Variants in DDX52 observed in about 807,000 individuals in gnomAD.
The protein encoded by DDX52 is probable ATP-dependent RNA helicase DDX52.
A neutral mutation model predicts 76.1 loss-of-function variants in DDX52; 59 were observed. The ratio of observed to expected loss-of-function variants is 0.78; its 90% CI spans 0.63 to 0.96. The LOEUF is 0.96. Among genes scored for constraint, DDX52 ranks in the 40% least tolerant of loss-of-function variants. The pLI, the probability that DDX52 is intolerant of heterozygous loss-of-function variation, is 0.00. For synonymous variants in DDX52, 231 were observed against 244.1 expected (o/e 0.95, Z 0.50); for missense variants, 707 against 703.9 (o/e 1.00, Z -0.05).
intron 7 of DDX52, 56 bp from the exon 8 acceptor site, chr17:37,626,154 A>T: frequency 6.3e-7 from 1 of 1,588,384 alleles, no homozygotes; most frequent in Non-Finnish European, 8.6e-7. Flanking sequence ...AAGACACTTC[A>T]CTAAACTGTG....
At chr17:37,620,540 T>C in intron 12 of DDX52, 1 of 210,734 alleles carries the variant, frequency 4.7e-6, no homozygotes, top group South Asian at 1.1e-4. Flanking sequence ...GAAGTGTTAA[T>C]CATCATCAAC....
rs2064333246 is a variant in DDX52 at position 37,610,896 on chromosome 17, T to C, written c.*3400A>G. ...TCCTTGTGTGAAGCTGAAATTTATG[T>C]AGCACATAGTTCCAACTGCTTTGAA... On this transcript the variant is annotated 3_prime_UTR_variant, in exon 15 of 15. Transcript: ENST00000617633. The C allele has an allele frequency of 6.6e-6, 1 of 152,272 alleles. No individual in the cohort carries two copies. The highest frequency in any genetic ancestry group is 2.4e-5 in the African/African-American group (1 of 41,482). The allele number at this position is 152,272 out of a possible 1,614,324, so 9.4% of individuals were successfully genotyped here.
Position 37,626,804 on chromosome 17 carries a change from C to T in DDX52, c.916G>A (p.Gly306Arg), listed in dbSNP as rs376988481. The change falls in exon 7 of 15, where the codon GGA becomes AGA. Residue 306 changes from glycine to arginine, a missense_variant. Physicochemically the swap from Gly to Arg is moderately radical, Grantham distance 125. Coordinates refer to ENST00000617633, the MANE Select transcript of DDX52 (RefSeq NM_007010.5). ...LIYLLKQDPPGIDLASVEWLV... is the reference protein window; with the variant it reads ...LIYLLKQDPPRIDLASVEWLV... ...CATCTATACCTTGCTAGGTCGATTC[C>T]GGGGGGATCTTGCTTTAATAAATAG... 23 of 1,611,112 alleles carry T rather than the reference C, an allele frequency of 1.4e-5. No individual in the cohort carries two copies. Among genetic ancestry groups the T allele is most frequent in the Admixed American group, 3.4e-5 (2 of 59,398 alleles).
rs2030707228 is a variant in DDX52 at position 37,632,096 on chromosome 17, T to C, written c.603+17A>G. The C allele has an allele frequency of 6.2e-7, 1 of 1,612,612 alleles. No homozygotes were observed. The highest frequency in any genetic ancestry group is 2.2e-5 in the East Asian group (1 of 44,862). ...AGAGGAAGGAATGTTACAGGCATTC[T>C]AGATCTTCATACTCACATGCAGCAT... On this transcript the variant is annotated intron_variant, in intron 4 of 14. Transcript: ENST00000617633.
Position 37,624,351 on chromosome 17 carries a change from A to G in DDX52, c.1220T>C (p.Val407Ala). Residue 407 changes from valine (V) to alanine (A), a missense_variant, in exon 9 of 15, where the codon GTT (valine) becomes GCT (alanine). Transcript: ENST00000617633. ...AAGGTAATACAAATATACCTTTTTAACAAGTTCTCTCACGGCCAGAAGTTT... is the reference window on the plus strand; with the variant it reads ...AAGGTAATACAAATATACCTTTTTAGCAAGTTCTCTCACGGCCAGAAGTTT... ...TGKLLAVRELVKKGFNPPVLV... is the reference protein window; with the variant it reads ...TGKLLAVRELAKKGFNPPVLV... 1 of 1,607,478 alleles carries G rather than the reference A, an allele frequency of 6.2e-7. No homozygotes were observed.
At chr17:37,618,186 A>C in intron 14 of DDX52, 106 bp downstream of exon 14, 1 of 778,942 alleles carries the variant, frequency 1.3e-6, no homozygotes, top group East Asian at 2.9e-5. Context: ...GTTTTATAAC[A>C]GACTGTAGTA....
chr17:37,627,567 A>T (rs2030448833), intron 6 of DDX52, among the ~76,000 whole-genome samples: 1 of 152,064 alleles, frequency 6.6e-6, no homozygotes, highest in South Asian at 2.1e-4. Context: ...TCTAAGAGGA[A>T]AGAACAATTT....
At chr17:37,630,293 C>G in intron 4 of DDX52, 120 bp from the exon 5 acceptor site, 2 of 1,113,046 alleles carry the variant, frequency 1.8e-6, no homozygotes, top group Non-Finnish European at 2.5e-6. Context: ...TGAATCTAAT[C>G]TTTCAAGTCA....
At chr17:37,624,217 T>A in intron 9 of DDX52, 127 bp downstream of exon 9, 1 of 580,994 alleles carries the variant, frequency 1.7e-6, no homozygotes, top group Non-Finnish European at 3.0e-6. Context: ...TCTTATCAAT[T>A]TACCAATGGA....
chr17:37,636,292 C>T (rs1477511939), intron 2 of DDX52, among the ~76,000 whole-genome samples: 2 of 152,068 alleles, frequency 1.3e-5, no homozygotes, highest in Admixed American at 1.3e-4. Flanking sequence ...GTTTGATGTT[C>T]ACTTTTTTCC....
rs76175977 is a variant in DDX52 at position 37,623,680 on chromosome 17, C to A, written c.1227+664G>T. On this transcript the variant is annotated intron_variant, in intron 9 of 14. Transcript: ENST00000617633. The stretch of plus-strand genomic sequence containing the variant: ...TTCAAGGATCAGTTTAGTAGCATTT[C>A]TTCTATAAGGCTCAACCAATTTGGC... 5.9e-5 allele frequency among the ~76,000 whole-genome samples: 9 copies of A among 152,284 alleles called. 1 individual carries two copies. The East Asian group carries it at 1.7e-3, about 29-fold the overall frequency.
intron 2 of DDX52, among the ~76,000 whole-genome samples, chr17:37,634,155 G>T (rs1469257943): frequency 2.6e-5 from 4 of 151,228 alleles, no homozygotes; most frequent in East Asian, 4.0e-4. Context: ...CACCATCTTG[G>T]CCAGGCTGGT....
In DDX52 at chr17:37,621,236, C is replaced by A. The variant is rs777100024; in HGVS notation, c.1392G>T (p.Trp464Cys). ...TVHSFRAGKI[W>C]VLICTALLAR... ...CTAGCAAGGCTGTACAAATCAGAAC[C>A]CAGATTTTTCCTGCTCTGAAACTGT... is the stretch of plus-strand genomic sequence containing the variant. The change falls in exon 11 of 15, where the codon TGG becomes TGT. Residue 464 changes from tryptophan (W) to cysteine (C), a missense_variant. By Grantham distance (215) the Trp-to-Cys change is radical. Transcript: ENST00000617633. 8.1e-6 allele frequency: 13 copies of A among 1,613,626 alleles called. No individual in the cohort carries two copies. Among genetic ancestry groups the A allele is most frequent in the Non-Finnish European group, 1.0e-5 (12 of 1,179,838 alleles).
rs955467170 is a variant in DDX52, at chr17:37,619,653, A to G, written c.1649+115T>C. 6 of 877,678 alleles carry G rather than the reference A, an allele frequency of 6.8e-6. No individual in the cohort carries two copies. The South Asian group carries it at 1.1e-4, about 16-fold the overall frequency. The allele number at this position is 877,678 out of a possible 1,614,324, so 54.4% of individuals were successfully genotyped here. A position where few individuals can be genotyped will look rare whatever the true frequency, so the allele number is the denominator to read the frequency against. Reference sequence around the variant, plus strand: ...CTTGAGCCTAGGAGATCAAGACTACAGTGAGCTGTGATCATGCCACTGCAC... The same window carrying G: ...CTTGAGCCTAGGAGATCAAGACTACGGTGAGCTGTGATCATGCCACTGCAC... On this transcript the variant is annotated intron_variant, in intron 13 of 14. Transcript: ENST00000617633.
chr17:37,637,883 C>T (rs2031006221), intron 2 of DDX52, among the ~76,000 whole-genome samples: 1 of 152,108 alleles, frequency 6.6e-6, no homozygotes, highest in Non-Finnish European at 1.5e-5. Context: ...CTTCTTCCCA[C>T]CAATTCTTAA....
rs891870878 is a variant in DDX52, at chr17:37,628,546, G to C, written c.859+15C>G. On this transcript the variant is annotated intron_variant, in intron 6 of 14. Coordinates refer to ENST00000617633, the MANE Select transcript of DDX52 (RefSeq NM_007010.5). ...CTTACATGCTCTATCTACATCCCAT[G>C]TATGAATTCCTTACCAAACTTTTTA... 8 of 1,588,118 alleles carry C rather than the reference G, an allele frequency of 5.0e-6. No individual in the cohort carries two copies. In the African/African-American group the frequency reaches 5.4e-5, roughly 11 times the overall value.
chr17:37,629,490 T>C (rs1354886287), intron 5 of DDX52, among the ~76,000 whole-genome samples: 1 of 151,520 alleles, frequency 6.6e-6, no homozygotes, highest in Non-Finnish European at 1.5e-5. Context: ...CTGGGTAACA[T>C]AGGGAGACCT....
At position 37,639,963 on chromosome 17, in the gene DDX52, A is replaced by G. The variant is rs551467153; in HGVS notation, c.286+2147T>C. 5.1e-4 allele frequency among the ~76,000 whole-genome samples: 78 copies of G among 152,340 alleles called. 2 individuals are homozygous for G. The South Asian group carries it at 0.015, about 29-fold the overall frequency. On this transcript the variant is annotated intron_variant, in intron 2 of 14. Coordinates refer to ENST00000617633, the MANE Select transcript of DDX52 (RefSeq NM_007010.5). ...GACTTTTACTGCAGCACTTAACAGC[A>G]AAAGCATGCAAACAATGTACTAAAT...
rs1293146797 is a variant in DDX52, at chr17:37,612,110, CCT to C, written c.*2184_*2185del. 6.6e-6 allele frequency: 1 copy of C among 151,136 alleles called. No homozygotes were observed. The highest frequency in any genetic ancestry group is 1.5e-5 in the Non-Finnish European group (1 of 67,838). 9.4% of individuals were successfully genotyped at this position (151,136 alleles called of 1,614,324 possible). ...GTGTTTATTTTCAAGACAGTCTTGC[CCT>C]GTCGCCCAGGCTGGAGTGCAGTAGC... On this transcript the variant is annotated 3_prime_UTR_variant, in exon 15 of 15. Transcript: ENST00000617633.
Sources: gnomAD v4.1 joint callset for allele counts (sites outside exome capture counted in the v4.1 genomes callset) on GRCh38, gnomAD v4.1.1 for gene constraint, MANE v1.5 for transcripts, NCBI Gene and HGNC (gene_info 2026-07-23, HGNC 2026-07-21) for gene names.